Variants in GDPD4 observed in about 807,000 individuals in gnomAD.
GDPD4 encodes the protein glycerophosphodiester phosphodiesterase domain containing 4, also known as glycerophosphodiester phosphodiesterase 6.
Under a neutral mutation model 67.8 loss-of-function variants are expected in GDPD4, and 60 were observed. That is an observed-to-expected ratio of 0.88 (90% CI 0.72 to 1.10). GDPD4 has a LOEUF of 1.10. GDPD4 is among the 50% of genes least tolerant of loss of function. The probability of loss-of-function intolerance (pLI) is 0.00; values close to 1 mark genes in which losing one functional copy is unlikely to be tolerated. For missense variants in GDPD4, 623 were observed against 613.9 expected, an observed-to-expected ratio of 1.01 and a Z score of -0.16; for synonymous variants, 212 against 210.9, an observed-to-expected ratio of 1.00 and a Z score of -0.04.
chr11:77,226,183 A>C (rs1309380437), intron 16 of GDPD4, among the ~76,000 whole-genome samples: 1 of 152,118 alleles, frequency 6.6e-6, no homozygotes, highest in Non-Finnish European at 1.5e-5. Context: ...TTTTACTTTC[A>C]AAACTTCTTT....
intron 4 of GDPD4, among the ~76,000 whole-genome samples, chr11:77,278,262 T>G (rs1233230079): frequency 6.6e-6 from 1 of 152,144 alleles, no homozygotes; most frequent in Non-Finnish European, 1.5e-5. Flanking sequence ...GGCCCCCCAT[T>G]ATTCTTCATT....
chr11:77,288,719 G>A (rs2135891423), intron 1 of GDPD4, among the ~76,000 whole-genome samples: 2 of 152,260 alleles, frequency 1.3e-5, no homozygotes, highest in South Asian at 2.1e-4. Flanking sequence ...CAGATGTGCA[G>A]ATATCAACAT....
At chr11:77,270,058 C>T in intron 7 of GDPD4, 98 bp from the exon 8 acceptor site, 1 of 624,600 alleles carries the variant, frequency 1.6e-6, no homozygotes, top group Non-Finnish European at 2.8e-6. Flanking sequence ...CACACACAAG[C>T]ATATATATAT....
intron 1 of GDPD4, among the ~76,000 whole-genome samples, chr11:77,296,625 G>A (rs1289320384): frequency 5.3e-5 from 8 of 151,928 alleles, no homozygotes; most frequent in South Asian, 2.1e-4. Flanking sequence ...CCGGCCAGAT[G>A]TATAGATCTT....
Position 77,243,861 on chromosome 11 carries a change from A to C in GDPD4, c.1087-13T>G. The stretch of plus-strand genomic sequence containing the variant: ...GCAACCAAAAAATCTCTAAGGAGAA[A>C]CAAGAAGTCCCTCAGTAGATAATCA... On this transcript the variant is annotated splice_polypyrimidine_tract_variant and intron_variant, in intron 12 of 16. Transcript: ENST00000315938. 1.1e-5 allele frequency: 17 copies of C among 1,605,842 alleles called. No individual in the cohort carries two copies. The highest frequency in any genetic ancestry group is 1.3e-5 in the Non-Finnish European group (15 of 1,173,720).
chr11:77,272,518 A>G (rs1015710250), intron 5 of GDPD4, among the ~76,000 whole-genome samples: 1 of 152,154 alleles, frequency 6.6e-6, no homozygotes, highest in Non-Finnish European at 1.5e-5. Flanking sequence ...GCTCCCATCT[A>G]TGATCCCAGC....
At chr11:77,261,849 G>A (rs1959125014) in intron 10 of GDPD4, among the ~76,000 whole-genome samples, 1 of 152,316 alleles carries the variant, frequency 6.6e-6, no homozygotes, top group Non-Finnish European at 1.5e-5. Flanking sequence ...ATTGTGGTAT[G>A]CTGACATGCT....
At chr11:77,294,869 G>A (rs1391445327) in intron 1 of GDPD4, among the ~76,000 whole-genome samples, 1 of 150,846 alleles carries the variant, frequency 6.6e-6, no homozygotes, top group African/African-American at 2.4e-5. Flanking sequence ...TTTGACAGAA[G>A]TATGAAGGAT....
At chr11:77,268,394 G>A (rs1037383538) in intron 10 of GDPD4, 63 bp downstream of exon 10, 3 of 1,144,774 alleles carry the variant, frequency 2.6e-6, no homozygotes, top group Non-Finnish European at 4.0e-6. Context: ...GGCCAGGCTG[G>A]TTCTCTTGCA....
chr11:77,269,109 G>C, intron 8 of GDPD4, 40 bp from the exon 9 acceptor site: 1 of 1,588,228 alleles, frequency 6.3e-7, no homozygotes, highest in Non-Finnish European at 8.6e-7. Flanking sequence ...GGGAAAAAGA[G>C]ATAAAGAGGG....
At chr11:77,281,108 G>T (rs1279217206) in intron 3 of GDPD4, among the ~76,000 whole-genome samples, 1 of 152,098 alleles carries the variant, frequency 6.6e-6, no homozygotes, top group Non-Finnish European at 1.5e-5. Flanking sequence ...TTGGATGTAG[G>T]CCTACTCACT....
At chr11:77,290,228 G>A (rs1346791151) in intron 1 of GDPD4, among the ~76,000 whole-genome samples, 1 of 152,206 alleles carries the variant, frequency 6.6e-6, no homozygotes, top group East Asian at 1.9e-4. Flanking sequence ...TTACACGATA[G>A]GAGAGGATGG....
chr11:77,276,577 G>A (rs1231315430), intron 4 of GDPD4, among the ~76,000 whole-genome samples: 1 of 152,152 alleles, frequency 6.6e-6, no homozygotes, highest in Non-Finnish European at 1.5e-5. Context: ...CTTATTCATG[G>A]TATTACTTGG....
At position 77,285,115 on chromosome 11, in the gene GDPD4, T is replaced by C; in HGVS notation, c.23A>G (p.Glu8Gly). Residue 8 changes from glutamate to glycine, a missense_variant, in exon 3 of 17, where the codon GAA becomes GGA. Physicochemically the swap from Glu to Gly is moderately conservative, Grantham distance 98 (BLOSUM62 -2). Transcript: ENST00000315938. The part of the protein sequence containing the change: MLLFLWI[E>G]TSSEYFNFDW... Reference sequence around the variant, plus strand: ...AAAGTTAAAGTATTCACTGGATGTTTCTATCCACAGGAACAGCAACATCAG... The same window carrying C: ...AAAGTTAAAGTATTCACTGGATGTTCCTATCCACAGGAACAGCAACATCAG... 6.2e-7 allele frequency: 1 copy of C among 1,612,672 alleles called. No individual in the cohort carries two copies. Among genetic ancestry groups the C allele is most frequent in the Non-Finnish European group, 8.5e-7 (1 of 1,178,774 alleles).
At chr11:77,269,141 AG>A in intron 8 of GDPD4, 72 bp from the exon 9 acceptor site, 1 of 1,425,498 alleles carries the variant, frequency 7.0e-7, no homozygotes, top group Non-Finnish European at 9.7e-7. Flanking sequence ...TCCCAAGCAA[AG>A]CAGCAGTCTG....
At chr11:77,229,914 G>A (rs1244354702) in intron 14 of GDPD4, among the ~76,000 whole-genome samples, 1 of 151,870 alleles carries the variant, frequency 6.6e-6, no homozygotes, top group Non-Finnish European at 1.5e-5. Context: ...CACCTCAATT[G>A]TGCCCTCTCT....
At chr11:77,229,576 T>G (rs941628625) in intron 14 of GDPD4, among the ~76,000 whole-genome samples, 7 of 152,234 alleles carry the variant, frequency 4.6e-5, no homozygotes, top group African/African-American at 1.7e-4. Flanking sequence ...TGACTTCTAC[T>G]GCTGTTTTCA....
intron 13 of GDPD4, among the ~76,000 whole-genome samples, chr11:77,240,808 A>T (rs1443364029): frequency 1.3e-5 from 2 of 152,242 alleles, no homozygotes. Context: ...ATAGCCAACA[A>T]GCATATGAAG....
intron 1 of GDPD4, among the ~76,000 whole-genome samples, chr11:77,301,124 C>G (rs1938145450): frequency 6.6e-6 from 1 of 152,176 alleles, no homozygotes; most frequent in Non-Finnish European, 1.5e-5. Context: ...ACACTGTTTC[C>G]TTCCCAGAGC....
Sources: gnomAD v4.1 joint callset for allele counts (sites outside exome capture counted in the v4.1 genomes callset) on GRCh38, gnomAD v4.1.1 for gene constraint, MANE v1.5 for transcripts, NCBI Gene and HGNC (gene_info 2026-07-23, HGNC 2026-07-21) for gene names.